The following ZC3H4 variants were observed in gnomAD, a reference collection of about 807,000 sequenced individuals.
ZC3H4 encodes zinc finger CCCH-type containing 4.
A neutral mutation model predicts 108.3 loss-of-function variants in ZC3H4; 13 were observed. That is an observed-to-expected ratio of 0.12 (90% CI 0.08 to 0.19). ZC3H4 has a LOEUF of 0.19. Ranked by LOEUF, ZC3H4 falls within the 10% of genes least tolerant of loss-of-function variation. The probability of loss-of-function intolerance (pLI) is 1.00; values close to 1 mark genes in which losing one functional copy is unlikely to be tolerated. For missense variants in ZC3H4, 1,734 were observed against 1,838.8 expected, an observed-to-expected ratio of 0.94 and a Z score of 1.04; for synonymous variants, 917 against 749.6, an observed-to-expected ratio of 1.22 and a Z score of -3.65.
At chr19:47,105,289 A>G (rs1307338738) in intron 2 of ZC3H4, among the ~76,000 whole-genome samples, 1 of 152,194 alleles carries the variant, frequency 6.6e-6, no homozygotes, top group Non-Finnish European at 1.5e-5. Flanking sequence ...ATGAATGAGT[A>G]TGGCTGTGTG....
At position 47,108,012 on chromosome 19, in the gene ZC3H4, T is replaced by A. The variant is rs151251889; in HGVS notation, c.161+4412A>T. ...CCCAGACAAACTGGCAGCTTTTCCATCCTATTAGGTTTTAATTATGAAACT... is the reference window on the plus strand; with the variant it reads ...CCCAGACAAACTGGCAGCTTTTCCAACCTATTAGGTTTTAATTATGAAACT... On this transcript the variant is annotated intron_variant, in intron 2 of 14. Coordinates refer to ENST00000253048, the MANE Select transcript of ZC3H4 (RefSeq NM_015168.2). Among the ~76,000 whole-genome samples the A allele has an allele frequency of 7.2e-5, 11 of 152,320 alleles. No individual in the cohort carries two copies. In the East Asian group the frequency reaches 2.1e-3, roughly 29 times the overall value.
At chr19:47,092,619 C>T (rs572265768) in intron 4 of ZC3H4, among the ~76,000 whole-genome samples, 1 of 151,594 alleles carries the variant, frequency 6.6e-6, no homozygotes, top group African/African-American at 2.4e-5. Flanking sequence ...GAGTTCGAGG[C>T]CAGCCTGGCC....
Position 47,066,016 on chromosome 19 carries a change from A to G in ZC3H4, c.*340T>C, listed in dbSNP as rs2057187568. The G allele has an allele frequency of 4.8e-6, 1 of 209,536 alleles. No homozygotes were observed. Among genetic ancestry groups the G allele is most frequent in the South Asian group, 1.7e-4 (1 of 5,892 alleles). 13.0% of individuals were successfully genotyped at this position (209,536 alleles called of 1,614,324 possible). A position where few individuals can be genotyped will look rare whatever the true frequency, so the allele number is the denominator to read the frequency against. On this transcript the variant is annotated 3_prime_UTR_variant, in exon 15 of 15. Coordinates refer to ENST00000253048, the MANE Select transcript of ZC3H4 (RefSeq NM_015168.2). ...AAAAGGGGCCATGCTTTGCCCAGAA[A>G]ACCCACTGGGCCTCCAGCAAGGCCC...
chr19:47,113,108 A>G (rs1428520604), intron 1 of ZC3H4, among the ~76,000 whole-genome samples: 1 of 152,232 alleles, frequency 6.6e-6, no homozygotes, highest in African/African-American at 2.4e-5. Flanking sequence ...TCAGGAATTG[A>G]CACAAAATGG....
In ZC3H4 at chr19:47,072,704, C is replaced by A. The variant is rs764830904; in HGVS notation, c.1450G>T (p.Asp484Tyr). Residue 484 changes from aspartate (D) to tyrosine (Y), a missense_variant, in exon 12 of 15, where the codon GAT becomes TAT. Asp to Tyr is a radical substitution (Grantham distance 160, BLOSUM62 -3). This residue lies in a region of ZC3H4 where 66 missense variants were observed against 166.8 expected (regional missense o/e 0.40). Coordinates refer to ENST00000253048, the MANE Select transcript of ZC3H4 (RefSeq NM_015168.2). This position sits in a 1 kb window ranked among gnomAD's most constrained non-coding sequence, Gnocchi z 5.6. ...TCCTCGGCACCTGCTTCTGCATCAT[C>A]GGCCAACATCTGCGGGTGTGAAAGA... ...TRELLDKMLA[D>Y]DAEAGAEDEK... 1 of 1,613,718 alleles carries A rather than the reference C, an allele frequency of 6.2e-7. No homozygotes were observed.
chr19:47,089,891 C>G, intron 5 of ZC3H4, 76 bp downstream of exon 5: 1 of 1,508,928 alleles, frequency 6.6e-7, no homozygotes, highest in East Asian at 2.3e-5. Context: ...ACTTGAGGTT[C>G]TGTGAGACCA....
intron 11 of ZC3H4, among the ~76,000 whole-genome samples, chr19:47,076,319 G>C (rs1384100476): frequency 1.4e-5 from 1 of 72,974 alleles, no homozygotes; most frequent in African/African-American, 5.1e-5. Context: ...ACGCGTGCGC[G>C]CGCGCGCACA....
At chr19:47,102,650 A>G (rs1188038070) in intron 2 of ZC3H4, among the ~76,000 whole-genome samples, 1 of 152,062 alleles carries the variant, frequency 6.6e-6, no homozygotes, top group African/African-American at 2.4e-5. Context: ...AAACACAAAG[A>G]CACAAGGCCG....
intron 11 of ZC3H4, among the ~76,000 whole-genome samples, chr19:47,076,321 G>T (rs530672038): frequency 1.2e-4 from 9 of 74,640 alleles, no homozygotes; most frequent in African/African-American, 4.5e-4. Flanking sequence ...GCGTGCGCGC[G>T]CGCGCACACA....
At position 47,067,715 on chromosome 19, in the gene ZC3H4, C is replaced by T; in HGVS notation, c.2553G>A (p.Lys851=). ...SSGLGDPRLQ[K]GHPTGSRLAD... Reference sequence around the variant, plus strand: ...CCAGCCGGCTTCCTGTGGGGTGTCCCTTCTGGAGGCGGGGGTCCCCCAGCC... The same window carrying T: ...CCAGCCGGCTTCCTGTGGGGTGTCCTTTCTGGAGGCGGGGGTCCCCCAGCC... The change falls in exon 15 of 15, where the codon AAG becomes AAA. Residue 851 remains lysine (K), a synonymous_variant. Transcript: ENST00000253048. This position sits in a 1 kb window ranked among gnomAD's most constrained non-coding sequence, Gnocchi z 6.4. 1 of 1,606,334 alleles carries T rather than the reference C, an allele frequency of 6.2e-7. No homozygotes were observed. Among genetic ancestry groups the T allele is most frequent in the Non-Finnish European group, 8.5e-7 (1 of 1,178,074 alleles).
chr19:47,068,912 A>G (rs565641864), intron 14 of ZC3H4, among the ~76,000 whole-genome samples, 180 bp downstream of exon 14: 1 of 152,172 alleles, frequency 6.6e-6, no homozygotes, highest in South Asian at 2.1e-4. Context: ...GCCACCCCTG[A>G]CTGCCAGTTT....
At chr19:47,086,877 G>C (rs2057638190) in intron 5 of ZC3H4, among the ~76,000 whole-genome samples, 1 of 152,072 alleles carries the variant, frequency 6.6e-6, no homozygotes, top group African/African-American at 2.4e-5. Flanking sequence ...CAAACTACAA[G>C]ATGCTAGCCT....
intron 14 of ZC3H4, among the ~76,000 whole-genome samples, 175 bp from the exon 15 acceptor site, chr19:47,068,044 A>G (rs1220551547): frequency 6.6e-6 from 1 of 152,112 alleles, no homozygotes; most frequent in African/African-American, 2.4e-5. Context: ...CCAGAGAGCT[A>G]AGGCGCTCGG....
At chr19:47,079,701 A>G (rs546970131) in intron 11 of ZC3H4, among the ~76,000 whole-genome samples, 1 of 152,104 alleles carries the variant, frequency 6.6e-6, no homozygotes, top group Non-Finnish European at 1.5e-5. Context: ...TTCGAGACCA[A>G]CCTGGCCAAC....
chr19:47,078,721 A>G (rs570840791), intron 11 of ZC3H4, among the ~76,000 whole-genome samples: 16 of 152,040 alleles, frequency 1.1e-4, no homozygotes, highest in Non-Finnish European at 2.1e-4. Context: ...TCAGCTGGGC[A>G]TGGTGGCTGG....
At chr19:47,112,207 G>C in intron 2 of ZC3H4, 1 of 1,204,442 alleles carries the variant, frequency 8.3e-7, no homozygotes, top group South Asian at 4.2e-5. Flanking sequence ...GCGGGCGAGC[G>C]CCGCGAGGGG....
At position 47,085,382 on chromosome 19, in the gene ZC3H4, G is replaced by A. The variant is rs536311691; in HGVS notation, c.903C>T (p.Asp301=). 22 of 1,600,760 alleles carry A rather than the reference G, an allele frequency of 1.4e-5. No homozygotes were observed. The highest frequency in any genetic ancestry group is 8.1e-5 in the African/African-American group (6 of 74,490). The change falls in exon 7 of 15, where the codon GAC becomes GAT. Residue 301 remains aspartate (D), a synonymous_variant. Transcript: ENST00000253048. The stretch of plus-strand genomic sequence containing the variant: ...GCTCCTTGGAGTACTCGTCATAGTC[G>A]TCGTCTCCCATTGGCTCCTCACTCT... The part of the protein sequence containing the change: ...YGESEEPMGD[D]DYDEYSKELN...
chr19:47,103,635 T>C (rs961038690), intron 2 of ZC3H4, among the ~76,000 whole-genome samples: 1 of 151,470 alleles, frequency 6.6e-6, no homozygotes, highest in African/African-American at 2.4e-5. Context: ...AATATAAAAA[T>C]CAGCCCGTTG....
intron 2 of ZC3H4, among the ~76,000 whole-genome samples, chr19:47,111,944 T>C (rs532621067): frequency 1.3e-5 from 2 of 152,012 alleles, no homozygotes; most frequent in South Asian, 2.1e-4. Context: ...AGCGGGGCTG[T>C]TGTTCGAGAT....
Sources: gnomAD v4.1 joint callset for allele counts (sites outside exome capture counted in the v4.1 genomes callset) on GRCh38, gnomAD v4.1.1 for gene constraint, gnomAD v4.1.1 regional missense constraint, Gnocchi (gnomAD v3.1) non-coding constraint, MANE v1.5 for transcripts, NCBI Gene and HGNC (gene_info 2026-07-23, HGNC 2026-07-21) for gene names.